CACNA1E: variants seen among roughly 807,000 people sequenced by gnomAD.
CACNA1E encodes the protein voltage-dependent R-type calcium channel subunit alpha-1E.
CACNA1E carries 40 observed loss-of-function variants against 259.2 expected under a neutral mutation model. The ratio of observed to expected loss-of-function variants is 0.15; its 90% confidence interval spans 0.12 to 0.20. The LOEUF is 0.20. Among genes scored for constraint, CACNA1E ranks in the 10% least tolerant of loss-of-function variants. The probability of loss-of-function intolerance (pLI) is 1.00; values close to 1 mark genes in which losing one functional copy is unlikely to be tolerated. For missense variants in CACNA1E, 1,874 were observed against 3,040.1 expected (o/e 0.62, Z 9.02); for synonymous variants, 1,104 against 1,138.5 (o/e 0.97, Z 0.61).
intron 1 of CACNA1E, among the ~76,000 whole-genome samples, chr1:181,404,052 C>T (rs1657290485): frequency 6.6e-6 from 1 of 152,196 alleles, no homozygotes; most frequent in South Asian, 2.1e-4. Flanking sequence ...CCTTATACTT[C>T]ATTGGCTTTA....
At chr1:181,625,435 AT>A (rs1656112012) in intron 6 of CACNA1E, among the ~76,000 whole-genome samples, 1 of 152,154 alleles carries the variant, frequency 6.6e-6, no homozygotes, top group South Asian at 2.1e-4. Context: ...GTCTTTATCA[AT>A]TATCTTAATC....
intron 6 of CACNA1E, among the ~76,000 whole-genome samples, chr1:181,602,983 C>T (rs1653882876): frequency 6.6e-6 from 1 of 152,154 alleles, no homozygotes; most frequent in African/African-American, 2.4e-5. Context: ...ATGAGGAGGC[C>T]TCCATCCAGC....
At chr1:181,318,797 G>T (rs1398157408) in intron 1 of CACNA1E, among the ~76,000 whole-genome samples, 1 of 152,220 alleles carries the variant, frequency 6.6e-6, no homozygotes, top group Non-Finnish European at 1.5e-5. Context: ...AGTAGGGTGG[G>T]TCCTTTCCTG....
chr1:181,474,573 C>CAT (rs55831255), intron 2 of CACNA1E, among the ~76,000 whole-genome samples: 84,335 of 151,944 alleles, frequency 0.56, 24,685 homozygotes, highest in African/African-American at 0.75. Flanking sequence ...TCTTTGCAAA[C>CAT]GTGTGTGTCA....
chr1:181,720,219 C>T lies in CACNA1E; in HGVS notation c.1765C>T (p.Leu589=), dbSNP rs1647704587. Residue 589 remains leucine, a synonymous_variant, in exon 14 of 48, where the codon CTA becomes TTA. Transcript: ENST00000367573. ...TGGGTTTTGTAGGTATTGGGCTTCC[C>T]TACGGAATTTGGTGGTCTCCTTGAT... ...IFKITKYWAS[L]RNLVVSLMSS... is the part of the protein sequence containing the mutation. 2 of 1,613,824 alleles carry T rather than the reference C, an allele frequency of 1.2e-6. No homozygotes were observed. Among genetic ancestry groups the T allele is most frequent in the African/African-American group, 2.7e-5 (2 of 74,916 alleles).
rs2293992 is a variant in CACNA1E, at chr1:181,752,379, T to G, written c.3828+140T>G. 5,226 of 660,976 alleles carry G rather than the reference T, an allele frequency of 7.9e-3. 75 individuals are homozygous for G. Among genetic ancestry groups the G allele is most frequent in the East Asian group, 0.052 (1,920 of 37,152 alleles). 40.9% of individuals were successfully genotyped at this position (660,976 alleles called of 1,614,324 possible). A position where few individuals can be genotyped will look rare whatever the true frequency, so the allele number is the denominator to read the frequency against. On this transcript the variant is annotated intron_variant, in intron 27 of 47. Coordinates refer to ENST00000367573, the MANE Select transcript of CACNA1E (RefSeq NM_001205293.3). ...GATATCGAAGTTCTTTTCATCTGCC[T>G]GAGCTAAAGGTCTTAGTTTCAAAGG...
Position 181,703,911 on chromosome 1 carries a change from T to G in CACNA1E, c.1056-7043T>G, listed in dbSNP as rs546355339. On this transcript the variant is annotated intron_variant, in intron 7 of 47. Transcript: ENST00000367573. ...TTGCCGTGGACATAAGGTGGTGGAGTAGGAGTGGGATATAGCACTTCATGT... is the reference window on the plus strand; with the variant it reads ...TTGCCGTGGACATAAGGTGGTGGAGGAGGAGTGGGATATAGCACTTCATGT... Among the ~76,000 whole-genome samples, 4 of 152,172 alleles carry G rather than the reference T, an allele frequency of 2.6e-5. No homozygotes were observed. In the South Asian group the frequency reaches 8.3e-4, roughly 32 times the overall value.
chr1:181,432,038 G>A (rs1401300296), intron 2 of CACNA1E, among the ~76,000 whole-genome samples: 1 of 151,938 alleles, frequency 6.6e-6, no homozygotes, highest in Non-Finnish European at 1.5e-5. Flanking sequence ...CAGACCTGAG[G>A]GCAAAAGGAA....
chr1:181,572,244 A>G (rs910386013), intron 3 of CACNA1E, among the ~76,000 whole-genome samples: 1 of 152,208 alleles, frequency 6.6e-6, no homozygotes, highest in African/African-American at 2.4e-5. Context: ...TCTTTGGGCG[A>G]CTAACTTGGG....
chr1:181,655,859 A>G (rs1659163220), intron 7 of CACNA1E, among the ~76,000 whole-genome samples: 1 of 152,222 alleles, frequency 6.6e-6, no homozygotes, highest in African/African-American at 2.4e-5. Flanking sequence ...GTTTTGCCAA[A>G]ACTATATACA....
intron 2 of CACNA1E, among the ~76,000 whole-genome samples, chr1:181,464,918 C>A (rs1662060628): frequency 6.6e-6 from 1 of 151,926 alleles, no homozygotes; most frequent in African/African-American, 2.4e-5. Context: ...TGTATGTATT[C>A]ATAAATTAGA....
chr1:181,726,152 C>A lies in CACNA1E; in HGVS notation c.2230C>A (p.Pro744Thr). The A allele has an allele frequency of 6.2e-7, 1 of 1,611,308 alleles. No homozygotes were observed. The highest frequency in any genetic ancestry group is 8.5e-7 in the Non-Finnish European group (1 of 1,178,464). Residue 744 changes from proline (P) to threonine (T), a missense_variant, in exon 18 of 48, where the codon CCT (proline) becomes ACT (threonine). Physicochemically the swap from Pro to Thr is conservative, Grantham distance 38. Transcript: ENST00000367573. ...CAGCCCGATGTCTGCACCCAACATG[C>A]CTTCGATCGAGTGAGTCAGCTGCCC... ...EVSPMSAPNM[P>T]SIERDRRRRH...
At position 181,751,917 on chromosome 1, in the gene CACNA1E, G is replaced by A; in HGVS notation, c.3732-226G>A. On this transcript the variant is annotated intron_variant, in intron 26 of 47. Coordinates refer to ENST00000367573, the MANE Select transcript of CACNA1E (RefSeq NM_001205293.3). ...TATATATGAGTGTGTACGTGCATGT[G>A]GATGTGTGTTCATGCGTGCACACTG... 7 of 668,976 alleles carry A rather than the reference G, an allele frequency of 1.0e-5. No homozygotes were observed. The South Asian group carries it at 1.1e-4, about 10-fold the overall frequency. 41.4% of individuals were successfully genotyped at this position (668,976 alleles called of 1,614,324 possible).
intron 3 of CACNA1E, among the ~76,000 whole-genome samples, chr1:181,551,690 G>A (rs558357364): frequency 6.6e-6 from 1 of 152,212 alleles, no homozygotes; most frequent in African/African-American, 2.4e-5. Context: ...AAGGCCAGAG[G>A]CCCTTCAGAT....
At position 181,511,502 on chromosome 1, in the gene CACNA1E, C is replaced by T; in HGVS notation, c.504C>T (p.Val168=). 6.2e-7 allele frequency: 1 copy of T among 1,613,608 alleles called. No individual in the cohort carries two copies. Among genetic ancestry groups the T allele is most frequent in the Non-Finnish European group, 8.5e-7 (1 of 1,179,844 alleles). ...GGAATGTCATGGACTTCATCGTGGT[C>T]CTCAGTGGGTAAGTCCATTTTCTCT... ...NGWNVMDFIV[V]LSGILATAGT... Residue 168 remains valine, a synonymous_variant, in exon 3 of 48, where the codon GTC becomes GTT. Coordinates refer to ENST00000367573, the MANE Select transcript of CACNA1E (RefSeq NM_001205293.3).
intron 38 of CACNA1E, among the ~76,000 whole-genome samples, chr1:181,779,818 G>A (rs1660264429): frequency 1.7e-5 from 1 of 59,540 alleles, no homozygotes. Context: ...ATATGCACAT[G>A]TACACACACA....
intron 10 of CACNA1E, among the ~76,000 whole-genome samples, 160 bp downstream of exon 10, chr1:181,716,289 A>T (rs1653884338): frequency 7.8e-6 from 1 of 127,526 alleles, no homozygotes; most frequent in African/African-American, 2.7e-5. Context: ...GATTACAATG[A>T]TTTATTTAAA....
At chr1:181,411,752 G>A (rs189602358) in intron 1 of CACNA1E, among the ~76,000 whole-genome samples, 1 of 152,184 alleles carries the variant, frequency 6.6e-6, no homozygotes, top group African/African-American at 2.4e-5. Flanking sequence ...TGGGATTACA[G>A]GCACACGCCA....
In CACNA1E at chr1:181,391,909, GTCTTTCTCTCTC is replaced by G. The variant is rs1473228476; in HGVS notation, c.-14-21220_-14-21209del. Reference sequence around the variant, plus strand: ...TCTCTCTGTCTCTGTCTCTCTCTCTGTCTTTCTCTCTCTCTGTCTCTCTCTCTCTCTCTCTCT... The same window carrying G: ...TCTCTCTGTCTCTGTCTCTCTCTCTGTCTGTCTCTCTCTCTCTCTCTCTCT... On this transcript the variant is annotated intron_variant, in intron 1 of 11. Transcript: ENST00000524607. Among the ~76,000 whole-genome samples the G allele has an allele frequency of 3.8e-5, 5 of 132,482 alleles. No individual in the cohort carries two copies. The South Asian group carries it at 1.2e-3, about 32-fold the overall frequency. 86.9% of individuals were successfully genotyped at this position (132,482 alleles called of 152,430 possible). A position where few individuals can be genotyped will look rare whatever the true frequency, so the allele number is the denominator to read the frequency against.
Sources: allele counts gnomAD v4.1 joint callset (sites outside exome capture counted in the v4.1 genomes callset), GRCh38; gene constraint gnomAD v4.1.1; transcripts MANE v1.5; gene names NCBI Gene and HGNC (gene_info 2026-07-23, HGNC 2026-07-21).